CALD1: variants seen among roughly 807,000 people sequenced by gnomAD.
CALD1 encodes the protein caldesmon 1, also known as caldesmon.
Under a neutral mutation model 99.9 loss-of-function variants are expected in CALD1, and 33 were observed. The observed-to-expected ratio is 0.33, with a 90% CI of 0.25 to 0.44. The LOEUF is 0.44. Ranked by LOEUF, CALD1 falls within the 20% of genes least tolerant of loss-of-function variation. The pLI, the probability that CALD1 is intolerant of heterozygous loss-of-function variation, is 1.00. For synonymous variants in CALD1, 310 were observed against 325.0 expected (o/e 0.95, Z 0.50); for missense variants, 861 against 962.1 (o/e 0.89, Z 1.39).
At chr7:134,841,799 G>A (rs1168704268) in intron 1 of CALD1, among the ~76,000 whole-genome samples, 2 of 151,856 alleles carry the variant, frequency 1.3e-5, no homozygotes, top group Non-Finnish European at 2.9e-5. Context: ...ACAGACATAT[G>A]AGCCTGAATC....
chr7:134,923,349 T>C (rs754457056), intron 3 of CALD1, among the ~76,000 whole-genome samples: 9 of 152,372 alleles, frequency 5.9e-5, no homozygotes, highest in Non-Finnish European at 8.8e-5. Context: ...ATTGCCAGTT[T>C]TTTTAAAAAA....
chr7:134,902,521 C>T (rs1803077247), intron 3 of CALD1, among the ~76,000 whole-genome samples: 1 of 152,042 alleles, frequency 6.6e-6, no homozygotes, highest in African/African-American at 2.4e-5. Context: ...AATGGAGTGG[C>T]TCTGTGATCC....
At chr7:134,782,419 A>C (rs1314393921) in intron 1 of CALD1, among the ~76,000 whole-genome samples, 2 of 152,336 alleles carry the variant, frequency 1.3e-5, no homozygotes, top group East Asian at 3.9e-4. Context: ...AAAGTCCTTC[A>C]TCTGTCAGGC....
At chr7:134,831,818 TC>T (rs1218838327) in intron 1 of CALD1, among the ~76,000 whole-genome samples, 2 of 152,068 alleles carry the variant, frequency 1.3e-5, no homozygotes, top group African/African-American at 4.8e-5. Flanking sequence ...CCTTGCCTCC[TC>T]AGAAGAAAGA....
chr7:134,829,936 G>A (rs758439144), intron 1 of CALD1, among the ~76,000 whole-genome samples: 9 of 152,112 alleles, frequency 5.9e-5, no homozygotes, highest in African/African-American at 1.7e-4. Context: ...AGGGAGTAAC[G>A]GTAGATGAGG....
chr7:134,730,754 T>C, the CALD1 span, among the ~76,000 whole-genome samples: 1 of 152,192 alleles, frequency 6.6e-6, no homozygotes, highest in Non-Finnish European at 1.5e-5. Context: ...ATGGTAACTT[T>C]AGGATTAAAA....
intron 14 of CALD1, among the ~76,000 whole-genome samples, chr7:134,967,137 A>G (rs139415191): frequency 8.5e-5 from 13 of 152,254 alleles, no homozygotes; most frequent in South Asian, 2.1e-4. Context: ...TGGAACAAAG[A>G]TGATGTGGAA....
intron 1 of CALD1, among the ~76,000 whole-genome samples, chr7:134,832,009 AC>A (rs1202516611): frequency 6.6e-6 from 1 of 152,224 alleles, no homozygotes; most frequent in East Asian, 1.9e-4. Context: ...TGATCCTAGG[AC>A]TTTTATAAGC....
intron 3 of CALD1, among the ~76,000 whole-genome samples, chr7:134,882,942 A>G (rs1479772739): frequency 1.3e-5 from 2 of 152,226 alleles, no homozygotes; most frequent in African/African-American, 4.8e-5. Context: ...GAGCATTTTT[A>G]TAAATGGTTT....
chr7:134,890,485 C>T (rs563512677), intron 3 of CALD1, among the ~76,000 whole-genome samples: 2 of 152,270 alleles, frequency 1.3e-5, no homozygotes, highest in East Asian at 3.9e-4. Flanking sequence ...CTGCTGTTTA[C>T]CAAGAGAATA....
chr7:134,772,872 A>G (rs1009126900), intron 1 of CALD1, among the ~76,000 whole-genome samples: 3 of 152,056 alleles, frequency 2.0e-5, no homozygotes, highest in African/African-American at 7.2e-5. Context: ...CCATACAGCT[A>G]TTGTCCTGGG....
chr7:134,891,109 G>A (rs1243171939), intron 3 of CALD1, among the ~76,000 whole-genome samples: 4 of 152,154 alleles, frequency 2.6e-5, no homozygotes, highest in African/African-American at 9.7e-5. Context: ...TCAGAATTAG[G>A]TTGTATATGC....
At chr7:134,924,962 C>T (rs772619904) in intron 3 of CALD1, among the ~76,000 whole-genome samples, 3 of 152,154 alleles carry the variant, frequency 2.0e-5, no homozygotes, top group South Asian at 2.1e-4. Context: ...TTCCCCTTCA[C>T]CTTCTGCCAT....
At position 134,900,754 on chromosome 7, in the gene CALD1, T is replaced by C. The variant is rs1021458035; in HGVS notation, c.72-28000T>C. Among the ~76,000 whole-genome samples, 6 of 152,234 alleles carry C rather than the reference T, an allele frequency of 3.9e-5. No homozygotes were observed. In the East Asian group the frequency reaches 1.2e-3, roughly 29 times the overall value. The stretch of plus-strand genomic sequence containing the variant: ...AGGTGAAAATGAAAGGAACTAGCTA[T>C]GCAAAGTATATAAACCACAGTGGGT... On this transcript the variant is annotated intron_variant, in intron 3 of 14. Coordinates refer to ENST00000361675, the MANE Select transcript of CALD1 (RefSeq NM_033138.4).
chr7:134,761,901 G>A (rs1796781837), intron 1 of CALD1, among the ~76,000 whole-genome samples: 1 of 152,150 alleles, frequency 6.6e-6, no homozygotes, highest in Non-Finnish European at 1.5e-5. Context: ...GGTCTTTGCA[G>A]CTTATAAACC....
chr7:134,813,893 A>G lies in CALD1; in HGVS notation c.-129-29991A>G, dbSNP rs1025432900. 1.8e-4 allele frequency among the ~76,000 whole-genome samples: 27 copies of G among 152,286 alleles called. 1 individual carries two copies. The highest frequency in any genetic ancestry group is 6.5e-4 in the African/African-American group (27 of 41,568). On this transcript the variant is annotated intron_variant, in intron 1 of 14. Transcript: ENST00000361675. ...TGAATCAGGGGATGTCAGCTGGTAA[A>G]GGACGGTGGGTGGCTGAGGCATGTG...
At chr7:134,888,860 G>T (rs780441990) in intron 3 of CALD1, among the ~76,000 whole-genome samples, 2 of 152,212 alleles carry the variant, frequency 1.3e-5, no homozygotes, top group Non-Finnish European at 2.9e-5. Context: ...TAGCCTGGTG[G>T]ACATCCTGTG....
chr7:134,796,175 T>C (rs1165183881), intron 1 of CALD1, among the ~76,000 whole-genome samples: 1 of 152,168 alleles, frequency 6.6e-6, no homozygotes, highest in Non-Finnish European at 1.5e-5. Flanking sequence ...CAGATAGTGG[T>C]CTAATAGAAA....
chr7:134,742,428 G>T (rs1003803651), upstream of CALD1, among the ~76,000 whole-genome samples: 1 of 152,198 alleles, frequency 6.6e-6, no homozygotes, highest in Non-Finnish European at 1.5e-5. Flanking sequence ...TCCCTCTGTG[G>T]GATCCAGACA....
Sources: gnomAD v4.1 joint callset for allele counts (sites outside exome capture counted in the v4.1 genomes callset) on GRCh38, gnomAD v4.1.1 for gene constraint, MANE v1.5 for transcripts, NCBI Gene and HGNC (gene_info 2026-07-23, HGNC 2026-07-21) for gene names.